Variants in UGT1A9 observed in about 807,000 individuals in gnomAD.
UGT1A9 encodes UDP glucuronosyltransferase family 1 member A9.
UGT1A9 carries 35 observed loss-of-function variants against 45.0 expected under a neutral mutation model. The observed-to-expected ratio is 0.78, with a 90% CI of 0.59 to 1.03. The LOEUF (loss-of-function observed/expected upper bound fraction) is 1.03, where lower values mean the gene tolerates loss of function less well. UGT1A9 is among the 50% of genes least tolerant of loss of function. The pLI, the probability that UGT1A9 is intolerant of heterozygous loss-of-function variation, is 0.00. For missense variants in UGT1A9, 687 were observed against 666.6 expected, an observed-to-expected ratio of 1.03 and a Z score of -0.34; for synonymous variants, 278 against 250.6, an observed-to-expected ratio of 1.11 and a Z score of -1.03.
chr2:233,675,775 T>A (rs907912363), intron 1 of UGT1A9, among the ~76,000 whole-genome samples: 4 of 152,228 alleles, frequency 2.6e-5, no homozygotes, highest in Admixed American at 2.6e-4. Context: ...AGAAAACTTT[T>A]AAAAATAAAT....
intron 1 of UGT1A9, among the ~76,000 whole-genome samples, chr2:233,688,255 A>G (rs2074884672): frequency 6.6e-6 from 1 of 152,210 alleles, no homozygotes; most frequent in South Asian, 2.1e-4. Context: ...TCATTCCTTT[A>G]CATGGCCGAA....
chr2:233,765,286 A>G (rs1698795381), intron 1 of UGT1A9, among the ~76,000 whole-genome samples: 1 of 152,246 alleles, frequency 6.6e-6, no homozygotes. Flanking sequence ...AAATTATTCT[A>G]CTATAAAGAC....
At chr2:233,729,885 T>C (rs2077943126) in intron 1 of UGT1A9, 3 of 1,613,802 alleles carry the variant, frequency 1.9e-6, no homozygotes, top group South Asian at 1.1e-5. Context: ...GTCATGCATC[T>C]GTGTGGCTGT....
intron 1 of UGT1A9, among the ~76,000 whole-genome samples, chr2:233,697,807 T>G (rs943865448): frequency 3.9e-5 from 6 of 152,202 alleles, no homozygotes; most frequent in African/African-American, 1.4e-4. Flanking sequence ...TTTTAAATTT[T>G]CTTTTTAATT....
chr2:233,747,319 A>G (rs867833419), intron 1 of UGT1A9: 39 of 1,603,648 alleles, frequency 2.4e-5, no homozygotes, highest in Middle Eastern at 3.3e-4. Context: ...GGTGGTACCC[A>G]TTGATGGCAG....
chr2:233,744,383 G>A (rs1055889727), intron 1 of UGT1A9, among the ~76,000 whole-genome samples: 51 of 151,842 alleles, frequency 3.4e-4, no homozygotes, highest in African/African-American at 1.2e-3. Flanking sequence ...GTTCTCCAAC[G>A]TTCCAGCCCC....
intron 1 of UGT1A9, chr2:233,756,408 G>C (rs1234137074): frequency 1.3e-5 from 2 of 151,750 alleles, no homozygotes; most frequent in Non-Finnish European, 2.9e-5. Flanking sequence ...TTTTTTATTT[G>C]TATTATTTGT....
chr2:233,673,037 T>C (rs1438037176), intron 1 of UGT1A9, among the ~76,000 whole-genome samples: 1 of 152,216 alleles, frequency 6.6e-6, no homozygotes, highest in Non-Finnish European at 1.5e-5. Context: ...TTAAGTACCA[T>C]GTTTAGAAAA....
At chr2:233,687,455 G>C (rs559726557) in intron 1 of UGT1A9, among the ~76,000 whole-genome samples, 8 of 152,152 alleles carry the variant, frequency 5.3e-5, no homozygotes, top group African/African-American at 1.9e-4. Flanking sequence ...TATTTACATG[G>C]AAGCTGGCAT....
intron 1 of UGT1A9, chr2:233,753,507 T>C (rs1224200791): frequency 6.6e-6 from 1 of 152,242 alleles, no homozygotes; most frequent in African/African-American, 2.4e-5. Context: ...TCAGCCTGTC[T>C]AGTTGTTGCC....
chr2:233,763,859 A>G (rs1418944768), intron 1 of UGT1A9, among the ~76,000 whole-genome samples: 1 of 152,176 alleles, frequency 6.6e-6, no homozygotes, highest in Non-Finnish European at 1.5e-5. Context: ...GTTCACAGAC[A>G]ATCGCAATGC....
At chr2:233,755,054 C>G (rs748506326) in intron 1 of UGT1A9, 13 of 1,332,706 alleles carry the variant, frequency 9.8e-6, no homozygotes, top group South Asian at 6.9e-5. Context: ...CGCCCTCCGC[C>G]CTCGCCTCGC....
At position 233,767,890 on chromosome 2, in the gene UGT1A9, G is replaced by C; in HGVS notation, c.1029G>C (p.Ala343=). The C allele has an allele frequency of 6.2e-7, 1 of 1,614,096 alleles. No individual in the cohort carries two copies. The highest frequency in any genetic ancestry group is 8.5e-7 in the Non-Finnish European group (1 of 1,180,038). Residue 343 remains alanine (A), a synonymous_variant, in exon 3 of 5, where the codon GCG becomes GCC. Coordinates refer to ENST00000354728, the MANE Select transcript of UGT1A9 (RefSeq NM_021027.3). The part of the protein sequence containing the change: ...RYTGTRPSNL[A]NNTILVKWLP... ...CTGGAACCCGACCATCGAATCTTGCGAACAACACGATACTTGTTAAGTGGC... is the reference window on the plus strand; with the variant it reads ...CTGGAACCCGACCATCGAATCTTGCCAACAACACGATACTTGTTAAGTGGC...
At chr2:233,748,709 G>T (rs1302757653) in intron 1 of UGT1A9, among the ~76,000 whole-genome samples, 2 of 151,634 alleles carry the variant, frequency 1.3e-5, no homozygotes, top group East Asian at 3.9e-4. Flanking sequence ...AGGATTTGGG[G>T]TCTGGTGCAT....
intron 1 of UGT1A9, among the ~76,000 whole-genome samples, chr2:233,689,465 C>G (rs2074945265): frequency 6.6e-6 from 1 of 152,154 alleles, no homozygotes; most frequent in African/African-American, 2.4e-5. Context: ...TTTAGGAAAA[C>G]AGAAGTTACA....
intron 1 of UGT1A9, chr2:233,742,861 T>TAG (rs1692120681): frequency 6.2e-6 from 1 of 162,394 alleles, no homozygotes; most frequent in Admixed American, 5.8e-5. Context: ...TCAAATGATT[T>TAG]AGAGCAAACC....
Position 233,682,247 on chromosome 2 carries a change from A to C in UGT1A9, c.855+9458A>C, listed in dbSNP as rs758971346. ...TGCTCGCTGGACGGCACCATTGCGA[A>C]GTGCATTTTCTCTATTAACAAGTTC... On this transcript the variant is annotated intron_variant, in intron 1 of 4. Transcript: ENST00000354728. The C allele has an allele frequency of 1.9e-6, 3 of 1,614,214 alleles. No homozygotes were observed. The South Asian group carries it at 3.3e-5, about 18-fold the overall frequency.
chr2:233,765,493 A>G (rs1698849482), intron 1 of UGT1A9, among the ~76,000 whole-genome samples: 1 of 152,138 alleles, frequency 6.6e-6, no homozygotes, highest in African/African-American at 2.4e-5. Context: ...ATCCTCCACA[A>G]ACTAACACAG....
Position 233,769,147 on chromosome 2 carries a change from G to A in UGT1A9, c.1295+708G>A, listed in dbSNP as rs1297167698. 6.6e-6 allele frequency among the ~76,000 whole-genome samples: 1 copy of A among 152,116 alleles called. No homozygotes were observed. The highest frequency in any genetic ancestry group is 2.4e-5 in the African/African-American group (1 of 41,410). On this transcript the variant is annotated intron_variant, in intron 4 of 4. Transcript: ENST00000354728. This position sits in a 1 kb window ranked among gnomAD's most constrained non-coding sequence, Gnocchi z 4.4. ...AGAAGTACAGCTTTTTGCAGCACTG[G>A]AACCTGTGAGAAATTTTGTCCATGG...
Sources: gnomAD v4.1 joint callset for allele counts (sites outside exome capture counted in the v4.1 genomes callset) on GRCh38, gnomAD v4.1.1 for gene constraint, Gnocchi (gnomAD v3.1) non-coding constraint, MANE v1.5 for transcripts, NCBI Gene and HGNC (gene_info 2026-07-23, HGNC 2026-07-21) for gene names.